Variants in FARS2 observed in about 807,000 individuals in gnomAD.
FARS2 encodes the protein phenylalanine--tRNA ligase, mitochondrial.
A neutral mutation model predicts 46.4 loss-of-function variants in FARS2; 40 were observed. That is an observed-to-expected ratio of 0.86 (90% CI 0.67 to 1.12). The LOEUF is 1.12. FARS2 is among the 50% of genes most tolerant of loss of function. The probability of loss-of-function intolerance (pLI) is 0.00; values close to 1 mark genes in which losing one functional copy is unlikely to be tolerated. For missense variants in FARS2, 513 were observed against 567.9 expected, an observed-to-expected ratio of 0.90 and a Z score of 0.98; for synonymous variants, 234 against 214.9, an observed-to-expected ratio of 1.09 and a Z score of -0.78.
At chr6:5,544,300 TC>T (rs1770824797) in intron 4 of FARS2, among the ~76,000 whole-genome samples, 1 of 152,118 alleles carries the variant, frequency 6.6e-6, no homozygotes, top group South Asian at 2.1e-4. Flanking sequence ...TGTTCCTAGA[TC>T]CCACCCATAC....
chr6:5,395,765 C>CTGATGTT (rs1179465242), intron 2 of FARS2, among the ~76,000 whole-genome samples: 36 of 152,304 alleles, frequency 2.4e-4, no homozygotes, highest in African/African-American at 8.4e-4. Context: ...TTAGGAGAGA[C>CTGATGTT]TGATGTTTGA....
chr6:5,339,217 T>C (rs1167145539), intron 1 of FARS2, among the ~76,000 whole-genome samples: 1 of 152,236 alleles, frequency 6.6e-6, no homozygotes, highest in Non-Finnish European at 1.5e-5. Context: ...CTAGTGCCAA[T>C]GTGTAATGTT....
intron 6 of FARS2, among the ~76,000 whole-genome samples, chr6:5,621,735 T>C (rs1359277819): frequency 2.6e-5 from 4 of 152,204 alleles, no homozygotes; most frequent in Non-Finnish European, 5.9e-5. Context: ...TTCCAAAAAC[T>C]GTTGCCAGGA....
At chr6:5,402,189 G>A (rs1352092429) in intron 2 of FARS2, among the ~76,000 whole-genome samples, 2 of 150,170 alleles carry the variant, frequency 1.3e-5, no homozygotes, top group South Asian at 4.2e-4. Flanking sequence ...GCATGCTTTG[G>A]AATTTAGATT....
intron 6 of FARS2, among the ~76,000 whole-genome samples, chr6:5,756,054 CT>C (rs1437525428): frequency 3.9e-5 from 6 of 152,180 alleles, no homozygotes; most frequent in Admixed American, 3.9e-4. Context: ...GGTGGCAACC[CT>C]TTAGAATACC....
intron 1 of FARS2, among the ~76,000 whole-genome samples, chr6:5,341,220 TATATATATA>T (rs1561969983): frequency 0.019 from 145 of 7,684 alleles, 12 homozygotes; most frequent in African/African-American, 0.026. Context: ...TATATATATA[TATATATATA>T]TATATATTTT....
intron 5 of FARS2, among the ~76,000 whole-genome samples, chr6:5,610,655 A>G (rs1483743941): frequency 6.6e-6 from 1 of 152,184 alleles, no homozygotes; most frequent in Non-Finnish European, 1.5e-5. Flanking sequence ...GGACGACTAT[A>G]TGCAGTTATC....
At chr6:5,528,940 G>T (rs1769646381) in intron 4 of FARS2, among the ~76,000 whole-genome samples, 1 of 152,186 alleles carries the variant, frequency 6.6e-6, no homozygotes, top group South Asian at 2.1e-4. Flanking sequence ...AAGATAAAAA[G>T]AGCAAGGGTC....
intron 5 of FARS2, among the ~76,000 whole-genome samples, chr6:5,558,297 T>TG (rs1771784422): frequency 6.6e-6 from 1 of 152,202 alleles, no homozygotes; most frequent in African/African-American, 2.4e-5. Context: ...GAGGGCTGCC[T>TG]GTATTTAGAC....
intron 6 of FARS2, among the ~76,000 whole-genome samples, chr6:5,641,148 G>C (rs543530617): frequency 6.6e-6 from 1 of 152,088 alleles, no homozygotes; most frequent in African/African-American, 2.4e-5. Flanking sequence ...TCACTTCCCT[G>C]GGTGTGTTTC....
chr6:5,501,453 A>G (rs1767793932), intron 4 of FARS2, among the ~76,000 whole-genome samples: 1 of 151,918 alleles, frequency 6.6e-6, no homozygotes, highest in African/African-American at 2.4e-5. Context: ...CTTCCTAATT[A>G]GCATTGTCTT....
chr6:5,467,673 T>G (rs1050051979), intron 4 of FARS2, among the ~76,000 whole-genome samples: 11 of 152,214 alleles, frequency 7.2e-5, no homozygotes, highest in Admixed American at 2.6e-4. Flanking sequence ...GTTAGTTTGA[T>G]GATGATAATG....
intron 4 of FARS2, among the ~76,000 whole-genome samples, chr6:5,467,893 T>C (rs1210196614): frequency 6.6e-6 from 1 of 152,208 alleles, no homozygotes; most frequent in Non-Finnish European, 1.5e-5. Flanking sequence ...AAGGGAATGA[T>C]GAACTATGTT....
At chr6:5,348,839 G>T (rs1757400591) in intron 1 of FARS2, among the ~76,000 whole-genome samples, 1 of 152,006 alleles carries the variant, frequency 6.6e-6, no homozygotes, top group Non-Finnish European at 1.5e-5. Flanking sequence ...TTTTCAACTT[G>T]ATAACATTTA....
intron 4 of FARS2, among the ~76,000 whole-genome samples, chr6:5,479,970 T>G (rs928555751): frequency 6.6e-6 from 1 of 152,390 alleles, no homozygotes; most frequent in East Asian, 1.9e-4. Context: ...GGCCCCCTTC[T>G]GTCATGTCTG....
At chr6:5,276,362 T>A (rs59548069) in intron 1 of FARS2, among the ~76,000 whole-genome samples, 5 of 152,094 alleles carry the variant, frequency 3.3e-5, no homozygotes, top group Non-Finnish European at 7.4e-5. Flanking sequence ...GGTAAATTAC[T>A]TAACATTTAG....
intron 4 of FARS2, among the ~76,000 whole-genome samples, chr6:5,464,382 A>G (rs1232103312): frequency 1.3e-5 from 2 of 152,204 alleles, no homozygotes; most frequent in African/African-American, 4.8e-5. Context: ...CAAGTCCATC[A>G]GAGCATTCTG....
chr6:5,639,008 T>G (rs913712294), intron 6 of FARS2, among the ~76,000 whole-genome samples: 1 of 152,232 alleles, frequency 6.6e-6, no homozygotes, highest in Non-Finnish European at 1.5e-5. Context: ...AACTACAAGA[T>G]GAAGTCTCTG....
intron 5 of FARS2, among the ~76,000 whole-genome samples, chr6:5,609,041 C>T (rs1204395558): frequency 6.6e-6 from 1 of 152,082 alleles, no homozygotes; most frequent in Non-Finnish European, 1.5e-5. Flanking sequence ...ACCTGTTGTA[C>T]AGTTAGTCAC....
Sources: gnomAD v4.1 joint callset for allele counts (sites outside exome capture counted in the v4.1 genomes callset) on GRCh38, gnomAD v4.1.1 for gene constraint, MANE v1.5 for transcripts, NCBI Gene and HGNC (gene_info 2026-07-23, HGNC 2026-07-21) for gene names.